The following XIRP2 variants were observed in gnomAD, a reference collection of about 807,000 sequenced individuals.
XIRP2 encodes the protein xin actin binding repeat containing 2.
A neutral mutation model predicts 277.0 loss-of-function variants in XIRP2; 236 were observed. That is an observed-to-expected ratio of 0.85 (90% CI 0.77 to 0.95). The LOEUF (loss-of-function observed/expected upper bound fraction) is 0.95, where lower values mean the gene tolerates loss of function less well. Ranked by LOEUF, XIRP2 falls within the 40% of genes least tolerant of loss-of-function variation. The probability of loss-of-function intolerance (pLI) is 0.00; values close to 1 mark genes in which losing one functional copy is unlikely to be tolerated. For missense variants in XIRP2, 4,640 were observed against 4,157.5 expected (o/e 1.12, Z -3.19); for synonymous variants, 1,490 against 1,416.5 (o/e 1.05, Z -1.17).
chr2:167,136,828 T>C (rs140543515), intron 3 of XIRP2, among the ~76,000 whole-genome samples: 137 of 152,326 alleles, frequency 9.0e-4, no homozygotes, highest in African/African-American at 3.1e-3. Flanking sequence ...GGAATATTTG[T>C]AGCAAACTGT....
At chr2:166,914,469 T>A (rs1479271291) in intron 2 of XIRP2, among the ~76,000 whole-genome samples, 2 of 152,024 alleles carry the variant, frequency 1.3e-5, no homozygotes, top group Non-Finnish European at 1.5e-5. Flanking sequence ...GCCTCCCGAG[T>A]AGCTGGGACT....
intron 2 of XIRP2, among the ~76,000 whole-genome samples, chr2:167,088,602 G>A (rs1690038672): frequency 6.6e-6 from 1 of 152,082 alleles, no homozygotes; most frequent in Non-Finnish European, 1.5e-5. Flanking sequence ...TCTTAATTTG[G>A]CCATAACATT....
At chr2:167,023,619 A>T (rs924008073) in intron 2 of XIRP2, among the ~76,000 whole-genome samples, 2 of 151,992 alleles carry the variant, frequency 1.3e-5, no homozygotes, top group Admixed American at 6.6e-5. Context: ...ATCCATCTTG[A>T]ATTAATTTTT....
intron 2 of XIRP2, among the ~76,000 whole-genome samples, chr2:167,005,091 C>G (rs1215247416): frequency 2.0e-5 from 3 of 151,680 alleles, no homozygotes; most frequent in South Asian, 2.1e-4. Flanking sequence ...TAAAAAGTTC[C>G]ATGGTGGGGG....
chr2:167,088,008 T>C (rs913999831), intron 2 of XIRP2, among the ~76,000 whole-genome samples: 5 of 152,154 alleles, frequency 3.3e-5, no homozygotes, highest in African/African-American at 1.2e-4. Context: ...ACATAAAAGA[T>C]GATAAGTTTG....
At chr2:167,237,720 C>T (rs141087936) in intron 5 of XIRP2, among the ~76,000 whole-genome samples, 2,384 of 152,246 alleles carry the variant, frequency 0.016, 28 homozygotes, top group South Asian at 0.055. Context: ...GAAATGATCA[C>T]GGTGCCCCTC....
Position 167,166,570 on chromosome 2 carries a change from C to T in XIRP2, c.562+30508C>T, listed in dbSNP as rs73021969. 4.2e-3 allele frequency among the ~76,000 whole-genome samples: 639 copies of T among 152,244 alleles called. 5 individuals are homozygous for T. The highest frequency in any genetic ancestry group is 0.015 in the African/African-American group (622 of 41,550). ...AGAAAAGTGGTTATTTGGGCTTGCA[C>T]CTGCTTCTGGTGAGGGCTCAGGGCA... On this transcript the variant is annotated intron_variant, in intron 3 of 10. Coordinates refer to ENST00000409195, the MANE Select transcript of XIRP2 (RefSeq NM_152381.6).
At chr2:167,045,391 A>C (rs186724405) in intron 2 of XIRP2, among the ~76,000 whole-genome samples, 6 of 152,266 alleles carry the variant, frequency 3.9e-5, no homozygotes, top group African/African-American at 1.4e-4. Context: ...ACAAAAACAA[A>C]AACTGACAAA....
chr2:167,206,557 A>T (rs1394184616), intron 3 of XIRP2, among the ~76,000 whole-genome samples: 2 of 152,206 alleles, frequency 1.3e-5, no homozygotes, highest in East Asian at 3.9e-4. Context: ...GGCTCATATC[A>T]GCCTCACAAC....
intron 2 of XIRP2, among the ~76,000 whole-genome samples, chr2:167,086,115 G>A (rs888574485): frequency 2.0e-5 from 3 of 151,930 alleles, no homozygotes; most frequent in Admixed American, 1.3e-4. Flanking sequence ...ACTTCCTTCA[G>A]GAGCTCTTTT....
At chr2:167,014,451 G>T (rs1378719958) in intron 2 of XIRP2, among the ~76,000 whole-genome samples, 1 of 151,674 alleles carries the variant, frequency 6.6e-6, no homozygotes, top group African/African-American at 2.4e-5. Flanking sequence ...AAAAATTATA[G>T]AAAGGGAAAG....
At chr2:166,903,147 A>G (rs1684423695) in intron 1 of XIRP2, among the ~76,000 whole-genome samples, 1 of 152,094 alleles carries the variant, frequency 6.6e-6, no homozygotes, top group African/African-American at 2.4e-5. Flanking sequence ...CAAATTTTAT[A>G]TTTTAAATAA....
At chr2:167,168,828 A>G (rs1021011568) in intron 3 of XIRP2, among the ~76,000 whole-genome samples, 2 of 152,030 alleles carry the variant, frequency 1.3e-5, no homozygotes, top group Non-Finnish European at 2.9e-5. Context: ...GTTAGCCAGG[A>G]TGATCTCGAT....
At chr2:167,161,603 C>A (rs1692366421) in intron 3 of XIRP2, among the ~76,000 whole-genome samples, 3 of 152,196 alleles carry the variant, frequency 2.0e-5, no homozygotes, top group Admixed American at 2.0e-4. Flanking sequence ...CATAGGGCAC[C>A]AAGCCCCTAG....
At chr2:167,216,643 G>A (rs1264884639) in intron 4 of XIRP2, among the ~76,000 whole-genome samples, 1 of 44,348 alleles carries the variant, frequency 2.3e-5, no homozygotes, top group Non-Finnish European at 3.5e-5. Flanking sequence ...ACAGGTGCTG[G>A]AGAGGATGTG....
intron 3 of XIRP2, among the ~76,000 whole-genome samples, chr2:167,137,994 T>G (rs1014959110): frequency 6.6e-6 from 1 of 152,196 alleles, no homozygotes; most frequent in Non-Finnish European, 1.5e-5. Context: ...CAAGTTAAAC[T>G]GGACAAAACC....
rs1695367349 is a variant in XIRP2, at chr2:167,248,713, T to C, written c.7321T>C (p.Ser2441Pro). 2 of 1,613,610 alleles carry C rather than the reference T, an allele frequency of 1.2e-6. No individual in the cohort carries two copies. The highest frequency in any genetic ancestry group is 8.5e-7 in the Non-Finnish European group (1 of 1,179,798). ...TATAAAAGATAATAAGAACGATTTT[T>C]CCCCCAAAGTTGAACTGGCAACCTC... ...KHIKDNKNDF[S>P]PKVELATSLS... Residue 2441 changes from serine to proline, a missense_variant, in exon 9 of 11, where the codon TCC becomes CCC. Transcript: ENST00000409195.
chr2:167,173,428 A>G (rs899741738), intron 3 of XIRP2, among the ~76,000 whole-genome samples: 3 of 152,080 alleles, frequency 2.0e-5, no homozygotes, highest in Non-Finnish European at 4.4e-5. Flanking sequence ...AGTGACCTCC[A>G]TTTTCATCCA....
rs535459432 is a variant in XIRP2, at chr2:167,243,052, C to T, written c.1660C>T (p.Gln554Ter). 5 of 1,613,962 alleles carry T rather than the reference C, an allele frequency of 3.1e-6. No homozygotes were observed. The highest frequency in any genetic ancestry group is 1.6e-4 in the Middle Eastern group (1 of 6,062). ...YVFENTNDSS[Q>*]KDLNSEREYL... is the part of the protein sequence containing the mutation. ...TTTTGAAAACACAAATGACAGTTCT[C>T]AAAAAGATCTGAACTCAGAAAGAGA... Residue 554 changes from glutamine to a stop codon, truncating the protein, a stop_gained, in exon 9 of 11, where the codon CAA (glutamine) becomes TAA (stop). Coordinates refer to ENST00000409195, the MANE Select transcript of XIRP2 (RefSeq NM_152381.6). LOFTEE classifies it high-confidence loss of function.
Sources: gnomAD v4.1 joint callset for allele counts (sites outside exome capture counted in the v4.1 genomes callset) on GRCh38, gnomAD v4.1.1 for gene constraint, MANE v1.5 for transcripts, NCBI Gene and HGNC (gene_info 2026-07-23, HGNC 2026-07-21) for gene names.